Variants in SEMA6D observed in about 807,000 individuals in gnomAD.
SEMA6D encodes semaphorin 6D.
A neutral mutation model predicts 106.6 loss-of-function variants in SEMA6D; 35 were observed. The observed-to-expected ratio is 0.33, with a 90% confidence interval of 0.25 to 0.44. The LOEUF (loss-of-function observed/expected upper bound fraction) is 0.44. Ranked by LOEUF, SEMA6D falls within the 20% of genes least tolerant of loss-of-function variation. The pLI, the probability that SEMA6D is intolerant of heterozygous loss-of-function variation, is 1.00. For missense variants in SEMA6D, 1,185 were observed against 1,345.9 expected, an observed-to-expected ratio of 0.88 and a Z score of 1.87; for synonymous variants, 499 against 487.7, an observed-to-expected ratio of 1.02 and a Z score of -0.31.
intron 1 of SEMA6D, among the ~76,000 whole-genome samples, chr15:47,277,489 A>G (rs1045225939): frequency 6.6e-6 from 1 of 152,058 alleles, no homozygotes; most frequent in Admixed American, 6.6e-5. Flanking sequence ...GAGAGGGAAG[A>G]CCATCTGCCA....
intron 4 of SEMA6D, among the ~76,000 whole-genome samples, chr15:47,661,965 A>G (rs982037105): frequency 6.6e-6 from 1 of 152,186 alleles, no homozygotes; most frequent in African/African-American, 2.4e-5. Flanking sequence ...AACAGCAGCA[A>G]TTAATGGAGG....
chr15:47,385,973 T>G (rs2039825260), intron 1 of SEMA6D, among the ~76,000 whole-genome samples: 1 of 152,218 alleles, frequency 6.6e-6, no homozygotes, highest in Non-Finnish European at 1.5e-5. Context: ...GGCAAGTCAT[T>G]TAATTTCTCT....
At chr15:47,231,678 A>C (rs922513841) in intron 1 of SEMA6D, among the ~76,000 whole-genome samples, 3 of 152,010 alleles carry the variant, frequency 2.0e-5, no homozygotes, top group Non-Finnish European at 4.4e-5. Context: ...TATTACATAA[A>C]ACTGTGCCCC....
In SEMA6D at chr15:47,771,969, G is replaced by A. The variant is rs1190847373; in HGVS notation, c.*184G>A. The A allele has an allele frequency of 3.3e-6, 2 of 611,116 alleles. No individual in the cohort carries two copies. The highest frequency in any genetic ancestry group is 5.7e-6 in the Non-Finnish European group (2 of 352,062). The allele number at this position is 611,116 out of a possible 1,614,324, so 37.9% of individuals were successfully genotyped here. On this transcript the variant is annotated 3_prime_UTR_variant, in exon 19 of 19. Coordinates refer to ENST00000536845, the MANE Select transcript of SEMA6D (RefSeq NM_001358351.3). ...ATGTAGCTACTGCAGCAAGGCTTCTGTGTACTTGCCTGAAAACAAAGGAAG... is the reference window on the plus strand; with the variant it reads ...ATGTAGCTACTGCAGCAAGGCTTCTATGTACTTGCCTGAAAACAAAGGAAG...
chr15:47,533,116 T>C (rs533307613), intron 3 of SEMA6D, among the ~76,000 whole-genome samples: 2 of 152,302 alleles, frequency 1.3e-5, no homozygotes, highest in African/African-American at 4.8e-5. Flanking sequence ...TGTAATAAAA[T>C]AGAGAAGTCT....
chr15:47,238,039 T>C (rs1390037074), intron 1 of SEMA6D, among the ~76,000 whole-genome samples: 1 of 152,136 alleles, frequency 6.6e-6, no homozygotes, highest in Non-Finnish European at 1.5e-5. Context: ...TTATTGATAA[T>C]GATGATGACA....
chr15:47,760,611 T>G (rs575217810), intron 3 of SEMA6D, among the ~76,000 whole-genome samples, 196 bp downstream of exon 3: 30 of 152,282 alleles, frequency 2.0e-4, no homozygotes, highest in African/African-American at 7.2e-4. Flanking sequence ...GGTGCTATTT[T>G]ATTACTGCCA....
chr15:47,351,642 TCACTTGC>T (rs2038330787), intron 1 of SEMA6D, among the ~76,000 whole-genome samples: 1 of 152,232 alleles, frequency 6.6e-6, no homozygotes, highest in East Asian at 1.9e-4. Flanking sequence ...CTTTACCATA[TCACTTGC>T]CACTTGCCAC....
intron 1 of SEMA6D, among the ~76,000 whole-genome samples, chr15:47,309,020 A>G (rs921763): frequency 0.99 from 150,605 of 152,324 alleles, 74,465 homozygotes; most frequent in Middle Eastern, 1. Context: ...CATTACTGTA[A>G]GATTGACATT....
At chr15:47,298,329 TGTC>T (rs368264748) in intron 1 of SEMA6D, among the ~76,000 whole-genome samples, 10 of 151,428 alleles carry the variant, frequency 6.6e-5, no homozygotes, top group African/African-American at 2.2e-4. Context: ...ACAGGTTTGT[TGTC>T]TTTTTTTTTT....
At chr15:47,291,387 G>A (rs553699495) in intron 1 of SEMA6D, among the ~76,000 whole-genome samples, 2 of 152,322 alleles carry the variant, frequency 1.3e-5, no homozygotes, top group East Asian at 3.9e-4. Context: ...AACTGTCTCA[G>A]GAAAATGGGG....
At chr15:47,529,741 A>T (rs1175014010) in intron 3 of SEMA6D, among the ~76,000 whole-genome samples, 4 of 152,150 alleles carry the variant, frequency 2.6e-5, no homozygotes, top group African/African-American at 4.8e-5. Context: ...AATGAGGGTC[A>T]TTGATGTAAA....
chr15:47,628,853 A>G (rs1366424661), intron 4 of SEMA6D, among the ~76,000 whole-genome samples: 1 of 152,010 alleles, frequency 6.6e-6, no homozygotes, highest in Non-Finnish European at 1.5e-5. Context: ...CTTATTTTTT[A>G]TAAGGGTTGT....
chr15:47,379,819 G>A (rs1461238566), intron 1 of SEMA6D, among the ~76,000 whole-genome samples: 3 of 152,092 alleles, frequency 2.0e-5, no homozygotes, highest in Admixed American at 6.6e-5. Context: ...GTGCAATGGC[G>A]CAATCTCGGC....
At chr15:47,345,155 C>A (rs1425925612) in intron 1 of SEMA6D, among the ~76,000 whole-genome samples, 2 of 152,114 alleles carry the variant, frequency 1.3e-5, no homozygotes, top group African/African-American at 4.8e-5. Context: ...CCATATTAAT[C>A]TGTACGGTCA....
At chr15:47,232,656 T>G (rs1405451098) in intron 1 of SEMA6D, among the ~76,000 whole-genome samples, 2 of 151,936 alleles carry the variant, frequency 1.3e-5, no homozygotes, top group Non-Finnish European at 2.9e-5. Flanking sequence ...TTTTTAAAAT[T>G]TATTTTTTTC....
intron 2 of SEMA6D, among the ~76,000 whole-genome samples, chr15:47,446,940 T>A (rs376886715): frequency 2.0e-5 from 3 of 152,126 alleles, no homozygotes; most frequent in Admixed American, 6.6e-5. Flanking sequence ...CCTTCAGTGA[T>A]TTCTGTTTGC....
chr15:47,246,070 C>A (rs1160404567), intron 1 of SEMA6D, among the ~76,000 whole-genome samples: 1 of 152,108 alleles, frequency 6.6e-6, no homozygotes, highest in Non-Finnish European at 1.5e-5. Flanking sequence ...CTTTTAGCAA[C>A]CTTTCATAAT....
intron 3 of SEMA6D, among the ~76,000 whole-genome samples, chr15:47,485,270 T>C (rs566649413): frequency 1.3e-5 from 2 of 152,204 alleles, no homozygotes; most frequent in Admixed American, 6.6e-5. Context: ...AAAGTAATGG[T>C]CACATTGAAT....
Sources: gnomAD v4.1 joint callset for allele counts (sites outside exome capture counted in the v4.1 genomes callset) on GRCh38, gnomAD v4.1.1 for gene constraint, MANE v1.5 for transcripts, NCBI Gene and HGNC (gene_info 2026-07-23, HGNC 2026-07-21) for gene names.